Variants in NTM observed in about 807,000 individuals in gnomAD.
The protein encoded by NTM is IgLON family member 2.
NTM carries 13 observed loss-of-function variants against 42.1 expected under a neutral mutation model. The observed-to-expected ratio is 0.31, with a 90% CI of 0.20 to 0.49. NTM has a LOEUF of 0.49. Ranked by LOEUF, NTM falls within the 20% of genes least tolerant of loss-of-function variation. NTM has a pLI of 0.99. For missense variants in NTM, 373 were observed against 452.8 expected, an observed-to-expected ratio of 0.82 and a Z score of 1.60; for synonymous variants, 187 against 179.2, an observed-to-expected ratio of 1.04 and a Z score of -0.35.
chr11:131,825,631 C>A (rs777047603), intron 1 of NTM, among the ~76,000 whole-genome samples: 1 of 151,926 alleles, frequency 6.6e-6, no homozygotes, highest in African/African-American at 2.4e-5. Flanking sequence ...TGCAGCCATT[C>A]GGGTGAGAAA....
At chr11:132,075,174 A>G (rs1444776334) in intron 2 of NTM, among the ~76,000 whole-genome samples, 1 of 152,144 alleles carries the variant, frequency 6.6e-6, no homozygotes, top group Non-Finnish European at 1.5e-5. Flanking sequence ...GATGGTCACC[A>G]GGGGCTGGAA....
At chr11:131,959,425 T>C (rs191705234) in intron 2 of NTM, among the ~76,000 whole-genome samples, 1 of 152,090 alleles carries the variant, frequency 6.6e-6, no homozygotes, top group East Asian at 1.9e-4. Flanking sequence ...CCTAGGGGCT[T>C]GAGACCAGCC....
At chr11:132,287,315 A>G in intron 4 of NTM, among the ~76,000 whole-genome samples, 1 of 151,068 alleles carries the variant, frequency 6.6e-6, no homozygotes, top group African/African-American at 2.5e-5. Context: ...ATTTTTCATT[A>G]TGTATAGAAT....
intron 1 of NTM, among the ~76,000 whole-genome samples, chr11:131,678,169 C>T (rs940417191): frequency 6.6e-6 from 1 of 152,152 alleles, no homozygotes; most frequent in Admixed American, 6.5e-5. Context: ...CAGACTGGAC[C>T]GGGGTTTGAG....
chr11:131,802,079 T>C (rs2092162649), intron 1 of NTM, among the ~76,000 whole-genome samples: 1 of 152,158 alleles, frequency 6.6e-6, no homozygotes, highest in Non-Finnish European at 1.5e-5. Flanking sequence ...AGCATTACAA[T>C]GCATAGGTAA....
intron 1 of NTM, among the ~76,000 whole-genome samples, chr11:131,594,139 C>T (rs1385792647): frequency 6.6e-6 from 1 of 152,180 alleles, no homozygotes; most frequent in Non-Finnish European, 1.5e-5. Context: ...GTATGTATCT[C>T]ATGACAATTG....
intron 1 of NTM, among the ~76,000 whole-genome samples, chr11:131,483,142 A>G (rs1953792619): frequency 6.6e-6 from 1 of 152,198 alleles, no homozygotes; most frequent in African/African-American, 2.4e-5. Context: ...GAGTTTCCAC[A>G]TTTAACTGGA....
At chr11:131,617,207 T>C (rs2062030580) in intron 1 of NTM, among the ~76,000 whole-genome samples, 1 of 152,084 alleles carries the variant, frequency 6.6e-6, no homozygotes, top group South Asian at 2.1e-4. Context: ...TTGGGAATGT[T>C]GCAGAGAGTG....
At chr11:131,738,410 C>G (rs2080765294) in intron 1 of NTM, among the ~76,000 whole-genome samples, 1 of 152,184 alleles carries the variant, frequency 6.6e-6, no homozygotes. Context: ...TACCTTTGTG[C>G]CCAGCAGAAA....
intron 1 of NTM, among the ~76,000 whole-genome samples, chr11:131,834,333 C>T (rs919088306): frequency 5.3e-5 from 8 of 152,186 alleles, no homozygotes; most frequent in East Asian, 1.9e-4. Context: ...TATGACCTAT[C>T]GGCCATTTCT....
chr11:132,251,156 G>A (rs1175611728), intron 4 of NTM, among the ~76,000 whole-genome samples: 1 of 152,182 alleles, frequency 6.6e-6, no homozygotes, highest in African/African-American at 2.4e-5. Flanking sequence ...CCACCTTGGG[G>A]ATGCAGCTTT....
chr11:131,785,709 G>C (rs2089041875), intron 1 of NTM, among the ~76,000 whole-genome samples: 1 of 152,180 alleles, frequency 6.6e-6, no homozygotes, highest in Non-Finnish European at 1.5e-5. Flanking sequence ...CTAAGATAGA[G>C]ACCTGATGAA....
At chr11:132,197,408 G>A (rs1472603470) in intron 3 of NTM, among the ~76,000 whole-genome samples, 1 of 151,868 alleles carries the variant, frequency 6.6e-6, no homozygotes, top group African/African-American at 2.4e-5. Flanking sequence ...AACATGTCCT[G>A]AGTACTATGT....
chr11:131,586,986 C>T (rs2058923258), intron 1 of NTM, among the ~76,000 whole-genome samples: 1 of 151,968 alleles, frequency 6.6e-6, no homozygotes, highest in African/African-American at 2.4e-5. Context: ...AAGTGATGCT[C>T]AATTGGGAGG....
chr11:132,316,501 G>A (rs2095433497), intron 7 of NTM, among the ~76,000 whole-genome samples: 2 of 152,218 alleles, frequency 1.3e-5, no homozygotes, highest in South Asian at 2.1e-4. Flanking sequence ...GTAGTAGTAT[G>A]TATTCAAATA....
chr11:131,845,236 T>A (rs925896465), intron 1 of NTM, among the ~76,000 whole-genome samples: 2 of 152,178 alleles, frequency 1.3e-5, no homozygotes, highest in Non-Finnish European at 2.9e-5. Context: ...CAAAGTTGAT[T>A]ACACATTTAA....
At chr11:132,271,740 C>CTT (rs56312772) in intron 4 of NTM, among the ~76,000 whole-genome samples, 4 of 131,898 alleles carry the variant, frequency 3.0e-5, no homozygotes, top group Admixed American at 7.3e-5. Context: ...ATTGGGTTGT[C>CTT]TTTTTTTTTT....
At chr11:131,472,267 C>G (rs930601965) in intron 1 of NTM, among the ~76,000 whole-genome samples, 1 of 152,150 alleles carries the variant, frequency 6.6e-6, no homozygotes, top group Non-Finnish European at 1.5e-5. Context: ...TCAGCCCCCA[C>G]TCTCTGGAAG....
At chr11:132,226,540 C>A (rs1023933390) in intron 4 of NTM, among the ~76,000 whole-genome samples, 25 of 152,042 alleles carry the variant, frequency 1.6e-4, no homozygotes, top group African/African-American at 6.0e-4. Context: ...ATCCTTCGCC[C>A]ACTTTTTGAT....
Sources: gnomAD v4.1 joint callset for allele counts (sites outside exome capture counted in the v4.1 genomes callset) on GRCh38, gnomAD v4.1.1 for gene constraint, MANE v1.5 for transcripts, NCBI Gene and HGNC (gene_info 2026-07-23, HGNC 2026-07-21) for gene names.